The following UBA2 variants were observed in gnomAD, a reference collection of about 807,000 sequenced individuals.
The protein encoded by UBA2 is SUMO-activating enzyme subunit 2.
A neutral mutation model predicts 77.2 loss-of-function variants in UBA2; 11 were observed. The ratio of observed to expected loss-of-function variants is 0.14; its 90% CI spans 0.09 to 0.24. UBA2 has a LOEUF of 0.24. Among genes scored for constraint, UBA2 ranks in the 10% least tolerant of loss-of-function variants. The pLI is 1.00. For synonymous variants in UBA2, 278 were observed against 276.7 expected (o/e 1.00, Z -0.05); for missense variants, 487 against 781.7 (o/e 0.62, Z 4.50).
chr19:34,439,089 TC>T (rs1321801768), intron 6 of UBA2, among the ~76,000 whole-genome samples: 2 of 151,596 alleles, frequency 1.3e-5, no homozygotes, highest in African/African-American at 2.4e-5. Flanking sequence ...GTGCCTGTAA[TC>T]CCAGCTACTC....
chr19:34,435,622 G>A (rs1599890816), intron 5 of UBA2, among the ~76,000 whole-genome samples: 5 of 151,664 alleles, frequency 3.3e-5, no homozygotes, highest in Admixed American at 2.6e-4. Flanking sequence ...TTGAGGTCAG[G>A]AGTTCGAGAC....
At chr19:34,467,447 A>G (rs2075699365) in intron 16 of UBA2, among the ~76,000 whole-genome samples, 2 of 150,944 alleles carry the variant, frequency 1.3e-5, no homozygotes, top group Admixed American at 6.6e-5. Flanking sequence ...CAGCCTGGGC[A>G]ACAGCAAGAC....
intron 6 of UBA2, among the ~76,000 whole-genome samples, chr19:34,439,445 T>G (rs2075344730): frequency 6.6e-6 from 1 of 152,196 alleles, no homozygotes; most frequent in Non-Finnish European, 1.5e-5. Context: ...GTTACAGATT[T>G]ACATACATGA....
chr19:34,464,497 G>A (rs2075667002), intron 15 of UBA2, among the ~76,000 whole-genome samples: 1 of 151,740 alleles, frequency 6.6e-6, no homozygotes, highest in African/African-American at 2.4e-5. Flanking sequence ...GGTGGAGGTT[G>A]CAGTCAGCCG....
At chr19:34,467,556 C>T (rs139070768) in intron 16 of UBA2, among the ~76,000 whole-genome samples, 1 of 152,126 alleles carries the variant, frequency 6.6e-6, no homozygotes, top group East Asian at 1.9e-4. Flanking sequence ...GGGCAGATCG[C>T]CTGAGCTCAG....
At chr19:34,460,257 T>G (rs1214773437) in intron 13 of UBA2, among the ~76,000 whole-genome samples, 2 of 152,082 alleles carry the variant, frequency 1.3e-5, no homozygotes, top group South Asian at 2.1e-4. Flanking sequence ...TGAGATGAAG[T>G]TGGATCTGAT....
intron 12 of UBA2, among the ~76,000 whole-genome samples, chr19:34,457,214 A>ATATATATATATATATATAT (rs2075578002): frequency 1.0e-4 from 14 of 134,502 alleles, no homozygotes; most frequent in African/African-American, 2.0e-4. Context: ...ATATATATAT[A>ATATATATATATATATATAT]AAATTAGCTG....
chr19:34,446,148 G>A (rs2075427900), intron 8 of UBA2, among the ~76,000 whole-genome samples: 1 of 151,982 alleles, frequency 6.6e-6, no homozygotes. Context: ...CTAAGTGCTG[G>A]GATTACAGGC....
At chr19:34,441,982 C>T (rs934459042) in intron 6 of UBA2, among the ~76,000 whole-genome samples, 4 of 151,270 alleles carry the variant, frequency 2.6e-5, no homozygotes, top group Admixed American at 2.0e-4. Flanking sequence ...CACCTGTAAT[C>T]CCGGCTCTTT....
intron 4 of UBA2, 92 bp downstream of exon 4, chr19:34,433,504 A>G: frequency 1.1e-6 from 1 of 901,468 alleles, no homozygotes; most frequent in Non-Finnish European, 1.7e-6. Flanking sequence ...GACTATTGTG[A>G]TTTAGAACTT....
intron 1 of UBA2, chr19:34,429,999 C>A (rs1351502503): frequency 2.6e-5 from 4 of 152,342 alleles, no homozygotes; most frequent in Non-Finnish European, 5.9e-5. Flanking sequence ...GCAACCTCCG[C>A]CTCCCAGGCT....
chr19:34,430,905 C>T (rs2075245844), intron 2 of UBA2, among the ~76,000 whole-genome samples: 1 of 152,102 alleles, frequency 6.6e-6, no homozygotes, highest in Non-Finnish European at 1.5e-5. Flanking sequence ...GTTTCTGATG[C>T]TTTGCTTAGG....
intron 10 of UBA2, among the ~76,000 whole-genome samples, chr19:34,453,981 T>A (rs1418656392): frequency 6.6e-6 from 1 of 151,976 alleles, no homozygotes; most frequent in Non-Finnish European, 1.5e-5. Context: ...CTCCGGTGCC[T>A]TTGTTTAGGC....
rs2075225107 is a variant in UBA2, at chr19:34,429,316, A to G, written c.138+746A>G. The G allele has an allele frequency of 5.6e-6, 5 of 899,344 alleles. No homozygotes were observed. In the South Asian group the frequency reaches 2.6e-4, roughly 46 times the overall value. The allele number at this position is 899,344 out of a possible 1,614,324, so 55.7% of individuals were successfully genotyped here. A position where few individuals can be genotyped will look rare whatever the true frequency, so the allele number is the denominator to read the frequency against. ...AGTGCTATTTTGAATCGTTATTTCT[A>G]CTAATGCAAACTTTTTAGAGATTGG... On this transcript the variant is annotated intron_variant, in intron 1 of 16. Coordinates refer to ENST00000246548, the MANE Select transcript of UBA2 (RefSeq NM_005499.3).
intron 13 of UBA2, 57 bp downstream of exon 13, chr19:34,458,981 C>CA (rs760007459): frequency 2.7e-6 from 4 of 1,476,566 alleles, no homozygotes; most frequent in Non-Finnish European, 3.6e-6. Flanking sequence ...ACTGTGATGA[C>CA]AAACAAACAC....
chr19:34,432,052 G>A, intron 3 of UBA2, 121 bp downstream of exon 3: 3 of 696,716 alleles, frequency 4.3e-6, no homozygotes, highest in Non-Finnish European at 7.0e-6. Context: ...AACAGTGGTG[G>A]TTTCTGCTTA....
intron 6 of UBA2, among the ~76,000 whole-genome samples, chr19:34,443,153 G>A (rs2075388973): frequency 6.6e-6 from 1 of 152,126 alleles, no homozygotes; most frequent in Admixed American, 6.6e-5. Flanking sequence ...CCCCTAGATG[G>A]GGACTCTGCA....
At chr19:34,449,838 T>TC (rs1414849963) in intron 8 of UBA2, among the ~76,000 whole-genome samples, 2 of 152,220 alleles carry the variant, frequency 1.3e-5, no homozygotes, top group African/African-American at 4.8e-5. Context: ...TGTGTGCATG[T>TC]CCCCATGAGC....
Position 34,433,256 on chromosome 19 carries a change from T to C in UBA2, c.294-92T>C, listed in dbSNP as rs1599887392. On this transcript the variant is annotated intron_variant, in intron 3 of 16. Coordinates refer to ENST00000246548, the MANE Select transcript of UBA2 (RefSeq NM_005499.3). Reference sequence around the variant, plus strand: ...ATCCTGATATCAGTTTTGTTTACAGTTACTATGTTTTTTTCAGAACTGTTT... The same window carrying C: ...ATCCTGATATCAGTTTTGTTTACAGCTACTATGTTTTTTTCAGAACTGTTT... The C allele has an allele frequency of 4.8e-5, 42 of 880,468 alleles. No homozygotes were observed. In the East Asian group the frequency reaches 1.0e-3, roughly 21 times the overall value. 54.5% of individuals were successfully genotyped at this position (880,468 alleles called of 1,614,324 possible).
Sources: gnomAD v4.1 joint callset for allele counts (sites outside exome capture counted in the v4.1 genomes callset) on GRCh38, gnomAD v4.1.1 for gene constraint, MANE v1.5 for transcripts, NCBI Gene and HGNC (gene_info 2026-07-23, HGNC 2026-07-21) for gene names.